Variants in PCDHGA3 observed in about 807,000 individuals in gnomAD.
The protein encoded by PCDHGA3 is protocadherin gamma-A3.
In PCDHGA3, 40 loss-of-function variants were observed where a neutral mutation model predicts 58.5. That is an observed-to-expected ratio of 0.68 (90% CI 0.53 to 0.89). PCDHGA3 has a LOEUF of 0.89. Ranked by LOEUF, PCDHGA3 falls within the 40% of genes least tolerant of loss-of-function variation. The pLI is 0.00. For missense variants in PCDHGA3, 1,223 were observed against 1,195.9 expected (o/e 1.02, Z -0.33); for synonymous variants, 530 against 525.7 (o/e 1.01, Z -0.11).
At chr5:141,418,072 G>A in intron 1 of PCDHGA3, 1 of 1,614,058 alleles carries the variant, frequency 6.2e-7, no homozygotes, top group Non-Finnish European at 8.5e-7. Context: ...TGAGCGCGGA[G>A]AAGCTGCACT....
chr5:141,399,631 T>A lies in PCDHGA3; in HGVS notation c.2424+53174T>A, dbSNP rs1251761184. On this transcript the variant is annotated intron_variant, in intron 1 of 3. Transcript: ENST00000253812. ...GCCTCTGGCACTGGCCTCTTACGTGTCCATGAGCGCGCAAAGTGGGGTGGT... is the reference window on the plus strand; with the variant it reads ...GCCTCTGGCACTGGCCTCTTACGTGACCATGAGCGCGCAAAGTGGGGTGGT... 31 of 1,613,746 alleles carry A rather than the reference T, an allele frequency of 1.9e-5. No homozygotes were observed. The highest frequency in any genetic ancestry group is 2.4e-5 in the Non-Finnish European group (28 of 1,179,892).
At chr5:141,473,988 G>C (rs1006988447) in intron 1 of PCDHGA3, among the ~76,000 whole-genome samples, 8 of 152,118 alleles carry the variant, frequency 5.3e-5, no homozygotes, top group Non-Finnish European at 4.4e-5. Context: ...AGGATCCCTT[G>C]AGCCCAAGGA....
intron 1 of PCDHGA3, among the ~76,000 whole-genome samples, chr5:141,349,588 C>G (rs1231521478): frequency 6.6e-6 from 1 of 151,692 alleles, no homozygotes; most frequent in Non-Finnish European, 1.5e-5. Flanking sequence ...CTCTTTTTTG[C>G]AAAAACTATT....
chr5:141,450,006 C>CTATTTTTTT (rs70988802), intron 1 of PCDHGA3, among the ~76,000 whole-genome samples: 8 of 132,970 alleles, frequency 6.0e-5, no homozygotes, highest in African/African-American at 8.4e-5. Context: ...TGCCATGTCT[C>CTATTTTTTT]TTTTTTTTTT....
Position 141,414,566 on chromosome 5 carries a change from A to G in PCDHGA3, c.2424+68109A>G, listed in dbSNP as rs375828619. The stretch of plus-strand genomic sequence containing the variant: ...TTCTCTCAAGTCTCCTACTTTACCT[A>G]TATCCCAGAGAACAACGCCAGGGGT... On this transcript the variant is annotated intron_variant, in intron 1 of 3. Coordinates refer to ENST00000253812, the MANE Select transcript of PCDHGA3 (RefSeq NM_018916.4). The G allele has an allele frequency of 6.6e-5, 106 of 1,613,800 alleles. No homozygotes were observed. Among genetic ancestry groups the G allele is most frequent in the Non-Finnish European group, 8.4e-5 (99 of 1,179,878 alleles).
chr5:141,430,615 A>G, intron 1 of PCDHGA3: 1 of 686,990 alleles, frequency 1.5e-6, no homozygotes, highest in Non-Finnish European at 2.2e-6. Context: ...CAAAGCAGAT[A>G]GCTAGGAATG....
intron 1 of PCDHGA3, chr5:141,415,661 T>C: frequency 6.3e-7 from 1 of 1,582,308 alleles, no homozygotes; most frequent in East Asian, 2.3e-5. Flanking sequence ...AAGATTGGTT[T>C]TTACTTTGAA....
chr5:141,454,691 C>T (rs745856768), intron 1 of PCDHGA3, among the ~76,000 whole-genome samples: 5 of 152,038 alleles, frequency 3.3e-5, no homozygotes, highest in Non-Finnish European at 5.9e-5. Flanking sequence ...CAGGCATGAG[C>T]CACCATGCTC....
At chr5:141,416,761 C>G (rs1371541017) in intron 1 of PCDHGA3, 2 of 152,140 alleles carry the variant, frequency 1.3e-5, no homozygotes, top group Non-Finnish European at 2.9e-5. Context: ...AGGTAGATCT[C>G]TTAATTTTAT....
rs1594666821 is a variant in PCDHGA3, at chr5:141,487,316, T to C, written c.2425-7491T>C. 6.2e-7 allele frequency: 1 copy of C among 1,614,164 alleles called. No individual in the cohort carries two copies. Among genetic ancestry groups the C allele is most frequent in the South Asian group, 1.1e-5 (1 of 91,080 alleles). On this transcript the variant is annotated intron_variant, in intron 1 of 3. Coordinates refer to ENST00000253812, the MANE Select transcript of PCDHGA3 (RefSeq NM_018916.4). This position sits in a 1 kb window ranked among gnomAD's most constrained non-coding sequence, Gnocchi z 5.0. ...CTCATTCGTGGCACTACTCTCTAAG[T>C]GTCTTCGTGGGGCAGCCTGTGGAGT... is the stretch of plus-strand genomic sequence containing the variant.
intron 1 of PCDHGA3, chr5:141,420,939 C>A: frequency 2.6e-6 from 1 of 387,512 alleles, no homozygotes; most frequent in South Asian, 5.2e-5. Context: ...GTAATCATTT[C>A]TTCTGGAATT....
intron 1 of PCDHGA3, chr5:141,373,900 C>G (rs1392088085): frequency 1.8e-6 from 1 of 550,068 alleles, no homozygotes; most frequent in Non-Finnish European, 3.0e-6. Context: ...CAAGTTACAT[C>G]CTCCAACAAC....
intron 1 of PCDHGA3, chr5:141,355,471 G>T (rs1316340611): frequency 6.2e-7 from 1 of 1,614,102 alleles, no homozygotes; most frequent in South Asian, 1.1e-5. Context: ...GGGTAGGATA[G>T]ACAGGGAGGA....
intron 1 of PCDHGA3, among the ~76,000 whole-genome samples, chr5:141,472,242 A>T (rs1342571385): frequency 6.6e-6 from 1 of 152,186 alleles, no homozygotes; most frequent in East Asian, 1.9e-4. Flanking sequence ...TTCACTTTCT[A>T]TTTTAAAGTT....
chr5:141,418,324 G>A, intron 1 of PCDHGA3: 2 of 1,614,006 alleles, frequency 1.2e-6, no homozygotes, highest in Non-Finnish European at 1.7e-6. Context: ...CAATTCTTGA[G>A]TCTGCAGAAG....
At chr5:141,454,721 A>G (rs2098797156) in intron 1 of PCDHGA3, among the ~76,000 whole-genome samples, 1 of 146,810 alleles carries the variant, frequency 6.8e-6, no homozygotes, top group South Asian at 2.2e-4. Flanking sequence ...ATTCCATATT[A>G]TATGTTATAG....
At chr5:141,470,858 TTTTG>T (rs775688955) in intron 1 of PCDHGA3, among the ~76,000 whole-genome samples, 79 of 151,956 alleles carry the variant, frequency 5.2e-4, no homozygotes, top group Non-Finnish European at 3.5e-4. Context: ...CAGATAAGTT[TTTTG>T]TTTGTTTGTT....
intron 1 of PCDHGA3, chr5:141,409,896 C>T (rs1181128940): frequency 6.2e-7 from 1 of 1,613,240 alleles, no homozygotes; most frequent in East Asian, 2.2e-5. Flanking sequence ...GTGCTGTACC[C>T]AGCTCTGGGT....
chr5:141,432,859 C>A lies in PCDHGA3; in HGVS notation c.2425-61948C>A. The A allele has an allele frequency of 1.2e-6, 2 of 1,614,190 alleles. No homozygotes were observed. Among genetic ancestry groups the A allele is most frequent in the Non-Finnish European group, 1.7e-6 (2 of 1,180,020 alleles). The stretch of plus-strand genomic sequence containing the variant: ...ACCTGGTGGTAGCGGTGGCCGCGGT[C>A]TCCTGCGTCTTCCTGGCCTTCGTCA... On this transcript the variant is annotated intron_variant, in intron 1 of 3. Transcript: ENST00000253812. This position sits in a 1 kb window ranked among gnomAD's most constrained non-coding sequence, Gnocchi z 6.0.
Sources: gnomAD v4.1 joint callset for allele counts (sites outside exome capture counted in the v4.1 genomes callset) on GRCh38, gnomAD v4.1.1 for gene constraint, Gnocchi (gnomAD v3.1) non-coding constraint, MANE v1.5 for transcripts, NCBI Gene and HGNC (gene_info 2026-07-23, HGNC 2026-07-21) for gene names.